TAF2: variants seen among roughly 807,000 people sequenced by gnomAD.
TAF2 encodes the protein transcription initiation factor TFIID subunit 2.
A neutral mutation model predicts 138.5 loss-of-function variants in TAF2; 61 were observed. That is an observed-to-expected ratio of 0.44 (90% CI 0.36 to 0.54). The LOEUF is 0.54. TAF2 is among the 20% of genes least tolerant of loss of function. The probability of loss-of-function intolerance (pLI) is 0.00; values close to 1 mark genes in which losing one functional copy is unlikely to be tolerated. For synonymous variants in TAF2, 475 were observed against 469.9 expected (o/e 1.01, Z -0.14); for missense variants, 1,090 against 1,427.9 (o/e 0.76, Z 3.81).
intron 10 of TAF2, among the ~76,000 whole-genome samples, chr8:119,793,041 G>T (rs993903922): frequency 5.9e-5 from 9 of 152,008 alleles, no homozygotes; most frequent in African/African-American, 1.9e-4. Flanking sequence ...AAGGCAGGAG[G>T]ATTGCTTGAG....
At chr8:119,739,018 T>C (rs35679846) in intron 25 of TAF2, among the ~76,000 whole-genome samples, 1 of 140,560 alleles carries the variant, frequency 7.1e-6, no homozygotes, top group Non-Finnish European at 1.5e-5. Flanking sequence ...AAGTTTTTTT[T>C]TTTTTTTTTT....
intron 8 of TAF2, 83 bp downstream of exon 8, chr8:119,796,907 C>T (rs1401666694): frequency 1.0e-6 from 1 of 968,476 alleles, no homozygotes; most frequent in African/African-American, 1.6e-5. Flanking sequence ...GCAATTAGGG[C>T]AAAGGTCAGC....
intron 22 of TAF2, among the ~76,000 whole-genome samples, chr8:119,748,217 TACC>T (rs1820115022): frequency 2.0e-5 from 3 of 151,642 alleles, no homozygotes; most frequent in Admixed American, 6.6e-5. Flanking sequence ...TTCAAAAGAG[TACC>T]ACATTTAAAA....
At position 119,788,779 on chromosome 8, in the gene TAF2, A is replaced by T. The variant is rs751548184; in HGVS notation, c.1683+11T>A. The T allele has an allele frequency of 1.2e-6, 2 of 1,600,184 alleles. No individual in the cohort carries two copies. The highest frequency in any genetic ancestry group is 1.1e-5 in the South Asian group (1 of 90,820). On this transcript the variant is annotated intron_variant, in intron 13 of 25. Coordinates refer to ENST00000378164, the MANE Select transcript of TAF2 (RefSeq NM_003184.4). Reference sequence around the variant, plus strand: ...ATAGCAGTACAAAGGCGATTTTGGAAAAAGACTTACCACGTATTTCTGAGT... The same window carrying T: ...ATAGCAGTACAAAGGCGATTTTGGATAAAGACTTACCACGTATTTCTGAGT...
intron 7 of TAF2, 136 bp downstream of exon 7, chr8:119,797,526 A>G: frequency 1.1e-6 from 1 of 896,474 alleles, no homozygotes; most frequent in South Asian, 1.7e-5. Flanking sequence ...TTTAAAACCA[A>G]ATTTTGTACA....
chr8:119,812,577 AACAT>A (rs768415477), intron 3 of TAF2, among the ~76,000 whole-genome samples: 2 of 152,192 alleles, frequency 1.3e-5, no homozygotes, highest in African/African-American at 2.4e-5. Flanking sequence ...TTTAGATTTC[AACAT>A]ACAAATAAAA....
Position 119,742,627 on chromosome 8 carries a change from G to A in TAF2, c.3244C>T (p.Arg1082Ter), listed in dbSNP as rs780363918. ...GAGTGCTGGGGTATTAAAGCAGATC[G>A]GGAGCTAGCTGGCCGATATTTCGAG... ...GLSKYRPASS[R>*]SALIPQHSAG... Residue 1082 changes from arginine (R) to a stop codon, truncating the protein, a stop_gained, in exon 25 of 26, where the codon CGA (arginine) becomes TGA (stop). Coordinates refer to ENST00000378164, the MANE Select transcript of TAF2 (RefSeq NM_003184.4). LOFTEE classifies it high-confidence loss of function. 4.3e-6 allele frequency: 7 copies of A among 1,613,738 alleles called. No individual in the cohort carries two copies. Among genetic ancestry groups the A allele is most frequent in the South Asian group, 1.1e-5 (1 of 91,066 alleles).
intron 2 of TAF2, among the ~76,000 whole-genome samples, chr8:119,823,108 C>T (rs1825889685): frequency 6.6e-6 from 1 of 152,036 alleles, no homozygotes; most frequent in Non-Finnish European, 1.5e-5. Context: ...GAATTTTTTC[C>T]GTGCCTATAA....
rs561102119 is a variant in TAF2 at position 119,789,391 on chromosome 8, A to G, written c.1568+201T>C. On this transcript the variant is annotated intron_variant, in intron 12 of 25. Coordinates refer to ENST00000378164, the MANE Select transcript of TAF2 (RefSeq NM_003184.4). ...TATGCCAAACTTTACAAATATAAAC[A>G]TACATGTGTGTGCACCTTAATGTCT... is the stretch of plus-strand genomic sequence containing the variant. Among the ~76,000 whole-genome samples the G allele has an allele frequency of 2.6e-5, 4 of 152,260 alleles. No individual in the cohort carries two copies. In the East Asian group the frequency reaches 7.7e-4, roughly 29 times the overall value.
At chr8:119,767,564 C>T (rs1002999278) in intron 18 of TAF2, among the ~76,000 whole-genome samples, 8 of 152,212 alleles carry the variant, frequency 5.3e-5, no homozygotes, top group East Asian at 1.9e-4. Context: ...ACTGTAGAGA[C>T]GCTGCTGGAG....
intron 24 of TAF2, 114 bp from the exon 25 acceptor site, chr8:119,742,770 C>T: frequency 7.1e-7 from 1 of 1,400,458 alleles, no homozygotes; most frequent in African/African-American, 1.4e-5. Context: ...AATTCATCCA[C>T]AGTAAAATTC....
At chr8:119,783,338 A>G in intron 16 of TAF2, 43 bp downstream of exon 16, 2 of 1,587,568 alleles carry the variant, frequency 1.3e-6, no homozygotes, top group East Asian at 2.2e-5. Flanking sequence ...GATACAAAAA[A>G]TATATACAAT....
At chr8:119,807,134 G>C (rs771811027) in intron 3 of TAF2, among the ~76,000 whole-genome samples, 31 of 152,118 alleles carry the variant, frequency 2.0e-4, no homozygotes, top group Non-Finnish European at 3.8e-4. Flanking sequence ...AATCAGGATG[G>C]GACTCAGTTC....
At chr8:119,774,474 T>C (rs531235797) in intron 18 of TAF2, among the ~76,000 whole-genome samples, 8 of 105,354 alleles carry the variant, frequency 7.6e-5, no homozygotes, top group African/African-American at 2.7e-4. Flanking sequence ...CTTAAAATAT[T>C]GTGATTTTTT....
chr8:119,771,191 A>C (rs1365651990), intron 18 of TAF2, among the ~76,000 whole-genome samples: 5 of 152,158 alleles, frequency 3.3e-5, no homozygotes, highest in Non-Finnish European at 7.3e-5. Flanking sequence ...GGGATGGAAA[A>C]AGATATACTA....
intron 21 of TAF2, among the ~76,000 whole-genome samples, chr8:119,757,026 AC>A: frequency 6.6e-6 from 1 of 152,208 alleles, no homozygotes; most frequent in Non-Finnish European, 1.5e-5. Flanking sequence ...GGTCAGCAAA[AC>A]TTTAAAGAAG....
At chr8:119,797,532 G>A (rs1823916443) in intron 7 of TAF2, 130 bp downstream of exon 7, 2 of 931,418 alleles carry the variant, frequency 2.1e-6, no homozygotes, top group Non-Finnish European at 3.2e-6. Flanking sequence ...ACCAAATTTT[G>A]TACAAAGCCA....
chr8:119,794,326 G>A (rs767704535), intron 9 of TAF2, among the ~76,000 whole-genome samples: 2 of 151,638 alleles, frequency 1.3e-5, no homozygotes, highest in Non-Finnish European at 2.9e-5. Flanking sequence ...AGCCCGGGAG[G>A]CAGAGGTTGC....
chr8:119,749,106 T>C (rs953698415), intron 22 of TAF2, among the ~76,000 whole-genome samples: 52 of 152,286 alleles, frequency 3.4e-4, no homozygotes, highest in African/African-American at 1.3e-3. Flanking sequence ...TTAAAAAATA[T>C]ATGTTAATTT....
Sources: allele counts gnomAD v4.1 joint callset (sites outside exome capture counted in the v4.1 genomes callset), GRCh38; gene constraint gnomAD v4.1.1; transcripts MANE v1.5; gene names NCBI Gene and HGNC (gene_info 2026-07-23, HGNC 2026-07-21).